PRKCB: variants seen among roughly 807,000 people sequenced by gnomAD.
The protein encoded by PRKCB is protein kinase C beta type.
PRKCB carries 13 observed loss-of-function variants against 81.5 expected under a neutral mutation model. The ratio of observed to expected loss-of-function variants is 0.16; its 90% confidence interval spans 0.10 to 0.25. PRKCB has a LOEUF of 0.25. Ranked by LOEUF, PRKCB falls within the 10% of genes least tolerant of loss-of-function variation. PRKCB has a pLI of 1.00. For synonymous variants in PRKCB, 335 were observed against 321.4 expected, an observed-to-expected ratio of 1.04 and a Z score of -0.45; for missense variants, 509 against 875.7, an observed-to-expected ratio of 0.58 and a Z score of 5.29.
At position 24,107,609 on chromosome 16, in the gene PRKCB, T is replaced by C. The variant is rs1966594781; in HGVS notation, c.822-5364T>C. On this transcript the variant is annotated intron_variant, in intron 7 of 16. Transcript: ENST00000643927. ...AGTCAGAAGGGGTCCTGCTCCTCTC[T>C]GAGGGGGCACACGTGTCCTATTTGG... Among the ~76,000 whole-genome samples, 4 of 152,344 alleles carry C rather than the reference T, an allele frequency of 2.6e-5. No homozygotes were observed. The South Asian group carries it at 8.3e-4, about 32-fold the overall frequency.
intron 9 of PRKCB, 41 bp from the exon 10 acceptor site, chr16:24,154,643 A>G: frequency 6.2e-7 from 1 of 1,605,816 alleles, no homozygotes; most frequent in Non-Finnish European, 8.5e-7. Flanking sequence ...TGGCCCCCAG[A>G]CTCCTTCCAA....
At chr16:23,871,341 AT>A (rs1962900932) in intron 2 of PRKCB, among the ~76,000 whole-genome samples, 2 of 151,900 alleles carry the variant, frequency 1.3e-5, no homozygotes, top group South Asian at 4.2e-4. Flanking sequence ...CCCGTGAAGG[AT>A]TTGCCTGCCC....
At chr16:24,170,252 T>A (rs1294318631) in intron 10 of PRKCB, among the ~76,000 whole-genome samples, 1 of 152,070 alleles carries the variant, frequency 6.6e-6, no homozygotes, top group East Asian at 1.9e-4. Context: ...TGTAAATTTG[T>A]TTTTACTTGA....
intron 9 of PRKCB, among the ~76,000 whole-genome samples, chr16:24,127,295 C>T (rs1966846216): frequency 6.6e-6 from 1 of 152,054 alleles, no homozygotes; most frequent in Non-Finnish European, 1.5e-5. Context: ...TGTGAGCCAC[C>T]ACGCCCGGCC....
At chr16:24,137,315 A>G (rs185461444) in intron 9 of PRKCB, among the ~76,000 whole-genome samples, 2 of 152,092 alleles carry the variant, frequency 1.3e-5, no homozygotes, top group Non-Finnish European at 2.9e-5. Flanking sequence ...CAGCCTCCCG[A>G]CTAGCTGGGA....
At chr16:24,183,743 C>T (rs1386725642) in intron 13 of PRKCB, among the ~76,000 whole-genome samples, 1 of 152,184 alleles carries the variant, frequency 6.6e-6, no homozygotes, top group Non-Finnish European at 1.5e-5. Context: ...GACAGCCAAC[C>T]GGTAGACAGC....
intron 8 of PRKCB, among the ~76,000 whole-genome samples, chr16:24,116,417 A>C (rs1966738118): frequency 6.6e-6 from 1 of 152,074 alleles, no homozygotes; most frequent in African/African-American, 2.4e-5. Flanking sequence ...ATTTAAAAAA[A>C]AATAAAAAAA....
chr16:24,091,367 C>T (rs901026847), intron 5 of PRKCB, among the ~76,000 whole-genome samples: 12 of 152,228 alleles, frequency 7.9e-5, no homozygotes, highest in South Asian at 4.1e-4. Flanking sequence ...TAGTTAGAGT[C>T]GATTTGGATT....
chr16:24,177,882 C>T (rs1378512135), intron 12 of PRKCB, among the ~76,000 whole-genome samples: 1 of 152,064 alleles, frequency 6.6e-6, no homozygotes, highest in Non-Finnish European at 1.5e-5. Context: ...TGATGAATTC[C>T]TTTTCAGGTA....
intron 4 of PRKCB, among the ~76,000 whole-genome samples, chr16:24,034,770 C>T (rs1294273648): frequency 1.3e-5 from 2 of 152,092 alleles, no homozygotes; most frequent in Non-Finnish European, 2.9e-5. Context: ...ATTGTGGTGC[C>T]CAGCCCTCTT....
intron 3 of PRKCB, among the ~76,000 whole-genome samples, chr16:24,002,270 C>T (rs976238644): frequency 8.6e-5 from 13 of 151,962 alleles, no homozygotes; most frequent in South Asian, 2.1e-4. Flanking sequence ...GTTCCAAGCA[C>T]GGCAAGAGAG....
intron 3 of PRKCB, among the ~76,000 whole-genome samples, chr16:24,016,143 T>C (rs1218197154): frequency 6.6e-6 from 1 of 152,124 alleles, no homozygotes; most frequent in African/African-American, 2.4e-5. Flanking sequence ...CTAGGGTTGT[T>C]GTTCCTAGAC....
chr16:24,181,867 A>C (rs954939396), intron 13 of PRKCB, among the ~76,000 whole-genome samples: 2 of 151,462 alleles, frequency 1.3e-5, no homozygotes, highest in African/African-American at 2.4e-5. Flanking sequence ...TTCTGTTTTC[A>C]ATGAGTAAAA....
chr16:24,198,046 G>A (rs771876231), intron 16 of PRKCB, among the ~76,000 whole-genome samples: 3 of 152,184 alleles, frequency 2.0e-5, no homozygotes, highest in African/African-American at 4.8e-5. Flanking sequence ...TAGTGATATC[G>A]GAGGGTGCAG....
chr16:23,861,903 A>G (rs1232831636), intron 2 of PRKCB, among the ~76,000 whole-genome samples: 3 of 152,158 alleles, frequency 2.0e-5, no homozygotes, highest in African/African-American at 4.8e-5. Flanking sequence ...GTTTTGTTAG[A>G]TAATTCTCTT....
chr16:23,947,949 G>A (rs779202427), intron 2 of PRKCB, among the ~76,000 whole-genome samples: 16 of 136,362 alleles, frequency 1.2e-4, no homozygotes, highest in Non-Finnish European at 2.0e-4. Context: ...TCTCTTTAAT[G>A]CACAACTCAG....
rs1968264281 is a variant in PRKCB, at chr16:24,218,341, T to C, written c.*3525T>C. The C allele has an allele frequency of 1.0e-6, 1 of 985,076 alleles. No homozygotes were observed. Among genetic ancestry groups the C allele is most frequent in the South Asian group, 4.7e-5 (1 of 21,262 alleles). The allele number at this position is 985,076 out of a possible 1,614,324, so 61.0% of individuals were successfully genotyped here. A position where few individuals can be genotyped will look rare whatever the true frequency, so the allele number is the denominator to read the frequency against. ...AGTAACATGCCGAGCGCCTGGGGGA[T>C]GGAAACTCCTATAGCACCCCACAGG... is the stretch of plus-strand genomic sequence containing the variant. On this transcript the variant is annotated 3_prime_UTR_variant, in exon 17 of 17. Transcript: ENST00000643927.
At chr16:24,115,502 G>A (rs142572245) in intron 8 of PRKCB, among the ~76,000 whole-genome samples, 315 of 151,804 alleles carry the variant, frequency 2.1e-3, no homozygotes, top group African/African-American at 7.4e-3. Context: ...CTATCCCAAG[G>A]ATTTTAGCAT....
At chr16:23,869,061 A>G in intron 2 of PRKCB, 1 of 450,064 alleles carries the variant, frequency 2.2e-6, no homozygotes, top group South Asian at 1.6e-5. Flanking sequence ...CCCACCTCAT[A>G]CAAGGATTAT....
Sources: allele counts gnomAD v4.1 joint callset (sites outside exome capture counted in the v4.1 genomes callset), GRCh38; gene constraint gnomAD v4.1.1; transcripts MANE v1.5; gene names NCBI Gene and HGNC (gene_info 2026-07-23, HGNC 2026-07-21).